Variants in TRMT11 observed in about 807,000 individuals in gnomAD.
The protein encoded by TRMT11 is tRNA methyltransferase 11.
TRMT11 carries 53 observed loss-of-function variants against 62.8 expected under a neutral mutation model. The observed-to-expected ratio is 0.84, with a 90% CI of 0.68 to 1.06. The LOEUF (loss-of-function observed/expected upper bound fraction) is 1.06, where lower values mean the gene tolerates loss of function less well. Among genes scored for constraint, TRMT11 ranks in the 50% least tolerant of loss-of-function variants. The probability of loss-of-function intolerance (pLI) is 0.00; values close to 1 mark genes in which losing one functional copy is unlikely to be tolerated. For synonymous variants in TRMT11, 188 were observed against 190.3 expected (o/e 0.99, Z 0.10); for missense variants, 556 against 553.4 (o/e 1.00, Z -0.05).
chr6:126,254,360 G>A, the TRMT11 span, among the ~76,000 whole-genome samples: 2 of 152,154 alleles, frequency 1.3e-5, no homozygotes, highest in South Asian at 4.1e-4. Context: ...AGTTATACTT[G>A]TTATCAGTTT....
intron 21 of TRMT11, among the ~76,000 whole-genome samples, chr6:126,125,247 C>A (rs1236199832): frequency 3.9e-5 from 6 of 152,018 alleles, no homozygotes; most frequent in Non-Finnish European, 8.8e-5. Context: ...GGGGTTTGGG[C>A]TCTTTAGTTT....
intron 16 of TRMT11, among the ~76,000 whole-genome samples, chr6:126,048,725 T>G (rs965877421): frequency 2.6e-5 from 4 of 152,144 alleles, no homozygotes; most frequent in Non-Finnish European, 4.4e-5. Flanking sequence ...GACTTGTGAC[T>G]CCTGCCAAAA....
At chr6:126,059,683 G>A (rs1290798735) in intron 17 of TRMT11, among the ~76,000 whole-genome samples, 1 of 152,184 alleles carries the variant, frequency 6.6e-6, no homozygotes. Context: ...AACTTGAGGT[G>A]TTTAATAGTG....
rs534382475 is a variant in TRMT11, at chr6:126,090,261, G to A, written c.*1438-22605G>A. 3.9e-5 allele frequency among the ~76,000 whole-genome samples: 6 copies of A among 152,268 alleles called. No individual in the cohort carries two copies. The South Asian group carries it at 1.2e-3, about 32-fold the overall frequency. ...TGAAGAGTGAAGCCTCTTTGGTGCA[G>A]GACTGTTTTTTGATCCTTGTATCCC... On this transcript the variant is annotated intron_variant and NMD_transcript_variant, in intron 17 of 22. Coordinates refer to the TRMT11 transcript ENST00000648977.
At chr6:126,269,194 G>A in the TRMT11 span, among the ~76,000 whole-genome samples, 1 of 147,362 alleles carries the variant, frequency 6.8e-6, no homozygotes, top group African/African-American at 2.5e-5. Context: ...AACCCGGGAG[G>A]CGGAGCTTGC....
the TRMT11 span, among the ~76,000 whole-genome samples, chr6:126,214,032 T>C: frequency 1.3e-5 from 2 of 152,070 alleles, no homozygotes; most frequent in African/African-American, 4.8e-5. Flanking sequence ...GTTGATATGA[T>C]GAGTCACATT....
chr6:126,009,570 C>G (rs1322687618), intron 8 of TRMT11: 1 of 151,908 alleles, frequency 6.6e-6, no homozygotes, highest in Admixed American at 6.6e-5. Flanking sequence ...TATTGGTGAG[C>G]ATTTATTATA....
intron 8 of TRMT11, 75 bp downstream of exon 8, chr6:126,008,547 T>C: frequency 4.0e-6 from 5 of 1,263,712 alleles, no homozygotes; most frequent in South Asian, 1.2e-5. Flanking sequence ...CAGTTGACCC[T>C]GGAAGAACAC....
the TRMT11 span, among the ~76,000 whole-genome samples, chr6:126,257,298 T>C: frequency 1.3e-5 from 2 of 152,066 alleles, no homozygotes; most frequent in African/African-American, 4.8e-5. Flanking sequence ...TGGTGTGCCA[T>C]ATTTACTGAT....
chr6:126,217,068 C>T, the TRMT11 span, among the ~76,000 whole-genome samples: 1 of 152,132 alleles, frequency 6.6e-6, no homozygotes, highest in Non-Finnish European at 1.5e-5. Context: ...TTTTCAACTC[C>T]CGAATTGCTG....
chr6:126,252,474 C>A, the TRMT11 span, among the ~76,000 whole-genome samples: 1 of 152,180 alleles, frequency 6.6e-6, no homozygotes, highest in Non-Finnish European at 1.5e-5. Context: ...TTGGGACTCA[C>A]ATAGCATCAT....
intron 17 of TRMT11, among the ~76,000 whole-genome samples, chr6:126,109,940 G>C (rs954398633): frequency 6.6e-6 from 1 of 152,192 alleles, no homozygotes; most frequent in African/African-American, 2.4e-5. Flanking sequence ...TTGGCACCAA[G>C]CATGACTTGA....
chr6:126,148,748 A>G (rs1778004046), intron 21 of TRMT11, among the ~76,000 whole-genome samples: 1 of 152,218 alleles, frequency 6.6e-6, no homozygotes, highest in Non-Finnish European at 1.5e-5. Context: ...ACTAGATTAG[A>G]TTGATAATAG....
chr6:126,109,350 T>C (rs919148906), intron 17 of TRMT11, among the ~76,000 whole-genome samples: 22 of 152,200 alleles, frequency 1.4e-4, no homozygotes, highest in African/African-American at 5.1e-4. Flanking sequence ...ATTTTTCATT[T>C]TGACATTTTT....
intron 17 of TRMT11, among the ~76,000 whole-genome samples, chr6:126,093,209 C>G (rs535639824): frequency 2.6e-5 from 4 of 151,980 alleles, no homozygotes; most frequent in South Asian, 2.1e-4. Flanking sequence ...TCTGAGTTAT[C>G]TGGGTAAAAT....
the TRMT11 span, among the ~76,000 whole-genome samples, chr6:126,265,055 G>A: frequency 6.6e-6 from 1 of 152,006 alleles, no homozygotes; most frequent in East Asian, 1.9e-4. Context: ...CTTTCATATT[G>A]GCTTACTGAG....
intron 17 of TRMT11, among the ~76,000 whole-genome samples, chr6:126,081,872 TG>T (rs1462736504): frequency 3.9e-5 from 6 of 152,166 alleles, no homozygotes; most frequent in African/African-American, 1.4e-4. Context: ...TTGGAGCTTC[TG>T]GCAAGTACCG....
intron 7 of TRMT11, among the ~76,000 whole-genome samples, chr6:126,003,274 A>T (rs1792814138): frequency 6.6e-6 from 1 of 152,012 alleles, no homozygotes; most frequent in South Asian, 2.1e-4. Context: ...GAATTTTTGC[A>T]ATTTTTTTTA....
intron 3 of TRMT11, among the ~76,000 whole-genome samples, chr6:126,201,523 A>G (rs1268515840): frequency 6.6e-6 from 1 of 152,202 alleles, no homozygotes; most frequent in African/African-American, 2.4e-5. Flanking sequence ...GATCCTATCA[A>G]TTACACAATG....
Sources: allele counts gnomAD v4.1 joint callset (sites outside exome capture counted in the v4.1 genomes callset), GRCh38; gene constraint gnomAD v4.1.1; transcripts MANE v1.5; gene names NCBI Gene and HGNC (gene_info 2026-07-23, HGNC 2026-07-21).